Variants in SGO1 observed in about 807,000 individuals in gnomAD.
SGO1 encodes the protein serologically defined breast cancer antigen NY-BR-85.
In SGO1, 39 loss-of-function variants were observed where a neutral mutation model predicts 50.5. The ratio of observed to expected loss-of-function variants is 0.77; its 90% CI spans 0.60 to 1.01. SGO1 has a LOEUF of 1.01. SGO1 is among the 50% of genes least tolerant of loss of function. The pLI is 0.00. For synonymous variants in SGO1, 191 were observed against 205.1 expected, an observed-to-expected ratio of 0.93 and a Z score of 0.59; for missense variants, 638 against 606.0, an observed-to-expected ratio of 1.05 and a Z score of -0.55.
In SGO1 at chr3:20,171,139, GAA is replaced by G. The variant is rs769162481; in HGVS notation, c.1374_1375del (p.Leu460PhefsTer6). On this transcript the variant is annotated frameshift_variant, in exon 7 of 8. Transcript: ENST00000412997. LOFTEE classifies it high-confidence loss of function. Reference sequence around the variant, plus strand: ...TGCTTTATTCTTTTTTGGAGAAAGAGAAAGTCTTCTGATTTTCACAACAGGAT... The same window carrying G: ...TGCTTTATTCTTTTTTGGAGAAAGAGAGTCTTCTGATTTTCACAACAGGAT... The G allele has an allele frequency of 6.2e-7, 1 of 1,613,218 alleles. No homozygotes were observed. Among genetic ancestry groups the G allele is most frequent in the South Asian group, 1.1e-5 (1 of 91,008 alleles).
chr3:20,183,698 T>TA lies in SGO1; in HGVS notation c.248dup (p.Gln84ThrfsTer43), dbSNP rs751707964. 6.2e-6 allele frequency: 10 copies of TA among 1,613,334 alleles called. No individual in the cohort carries two copies. Among genetic ancestry groups the TA allele is most frequent in the Non-Finnish European group, 8.5e-6 (10 of 1,179,780 alleles). The stretch of plus-strand genomic sequence containing the variant: ...GATAGTAACATTCTTTTCTCAGCTG[T>TA]AGGATGATATCTTGGGCTTCTTTCA... On this transcript the variant is annotated frameshift_variant, in exon 3 of 8. Coordinates refer to ENST00000412997, the MANE Select transcript of SGO1 (RefSeq NM_001199251.3). LOFTEE classifies it high-confidence loss of function.
chr3:20,181,355 C>G (rs1288927865), intron 3 of SGO1, among the ~76,000 whole-genome samples: 1 of 152,130 alleles, frequency 6.6e-6, no homozygotes, highest in Admixed American at 6.5e-5. Context: ...TTAACTATTG[C>G]TAGGGCTAGG....
intron 6 of SGO1, among the ~76,000 whole-genome samples, chr3:20,173,758 A>C (rs12497658): frequency 0.099 from 15,087 of 152,274 alleles, 834 homozygotes; most frequent in Middle Eastern, 0.17. Context: ...TTTCTGAGCC[A>C]GTTTTTAGAG....
rs1310474028 is a variant in SGO1, at chr3:20,178,643, GCT to G, written c.340-298_340-297del. On this transcript the variant is annotated intron_variant, in intron 3 of 7. Transcript: ENST00000412997. ...GATAGAGAGTAACTCAGGTTGGATT[GCT>G]CTTTTAAATACAGTGAATGTGATAT... Among the ~76,000 whole-genome samples the G allele has an allele frequency of 2.0e-5, 3 of 152,338 alleles. No homozygotes were observed. The East Asian group carries it at 5.8e-4, about 29-fold the overall frequency.
At chr3:20,166,684 A>C, downstream of SGO1, among the ~76,000 whole-genome samples, 1 of 151,858 alleles carries the variant, frequency 6.6e-6, no homozygotes, top group East Asian at 1.9e-4. Flanking sequence ...ATGTGAATGT[A>C]CTTAATGCTA....
At chr3:20,184,163 C>T (rs1416279047) in intron 1 of SGO1, 129 bp from the exon 2 acceptor site, 2 of 588,834 alleles carry the variant, frequency 3.4e-6, no homozygotes, top group African/African-American at 1.9e-5. Flanking sequence ...AGATAGTTAA[C>T]CAACTTGATA....
intron 1 of SGO1, among the ~76,000 whole-genome samples, chr3:20,184,392 T>C (rs1702384391): frequency 6.6e-6 from 1 of 152,218 alleles, no homozygotes; most frequent in Admixed American, 6.5e-5. Flanking sequence ...TTACACTTTT[T>C]ATAGAAAATG....
chr3:20,176,525 A>G, intron 5 of SGO1, 76 bp downstream of exon 5: 4 of 889,350 alleles, frequency 4.5e-6, no homozygotes, highest in Middle Eastern at 3.0e-4. Context: ...AGAATTAGAT[A>G]AATTTAATTG....
Position 20,174,390 on chromosome 3 carries a change from G to T in SGO1, c.1141C>A (p.Leu381Ile). Residue 381 changes from leucine (L) to isoleucine (I), a missense_variant, in exon 6 of 8, where the codon CTC (leucine) becomes ATC (isoleucine). By Grantham distance (5) the Leu-to-Ile change is conservative. Transcript: ENST00000412997. The stretch of plus-strand genomic sequence containing the variant: ...ATGTACTTGCAAGTGGGCAAATAGA[G>T]GTCATCGGAATCATCTCCTGAACCA... Reference protein sequence around the residue: ...SSGSGDDSDDLYLPTCKYIQN... With the variant: ...SSGSGDDSDDIYLPTCKYIQN... The T allele has an allele frequency of 6.2e-7, 1 of 1,614,114 alleles. No homozygotes were observed. The highest frequency in any genetic ancestry group is 1.6e-4 in the Middle Eastern group (1 of 6,062).
In SGO1 at chr3:20,169,892, A is replaced by C. The variant is rs1476712506; in HGVS notation, c.*812T>G. On this transcript the variant is annotated 3_prime_UTR_variant, in exon 8 of 8. Coordinates refer to ENST00000412997, the MANE Select transcript of SGO1 (RefSeq NM_001199251.3). The stretch of plus-strand genomic sequence containing the variant: ...CAACTTAGGGTGTACCCTACTGTAA[A>C]TGTCAAATATTTATTTTACTCGAAT... 13 of 982,830 alleles carry C rather than the reference A, an allele frequency of 1.3e-5. No individual in the cohort carries two copies. Among genetic ancestry groups the C allele is most frequent in the Non-Finnish European group, 1.6e-5 (13 of 827,668 alleles). 60.9% of individuals were successfully genotyped at this position (982,830 alleles called of 1,614,324 possible). A position where few individuals can be genotyped will look rare whatever the true frequency, so the allele number is the denominator to read the frequency against.
At chr3:20,168,108 GAACA>G (rs369054509), downstream of SGO1, among the ~76,000 whole-genome samples, 43 of 152,106 alleles carry the variant, frequency 2.8e-4, no homozygotes, top group African/African-American at 1.0e-3. Flanking sequence ...AAAAGCCTAT[GAACA>G]AATATGACAG....
Position 20,176,881 on chromosome 3 carries a change from A to G in SGO1, c.417-222T>C, listed in dbSNP as rs535418684. Among the ~76,000 whole-genome samples the G allele has an allele frequency of 8.5e-5, 13 of 152,326 alleles. No homozygotes were observed. The East Asian group carries it at 2.5e-3, about 29-fold the overall frequency. ...CATTCAATTCCCACTTGAAGAACCA[A>G]CCTATCAAGTTGGAGAGTTCCACCT... On this transcript the variant is annotated intron_variant, in intron 4 of 7. Coordinates refer to ENST00000412997, the MANE Select transcript of SGO1 (RefSeq NM_001199251.3).
At chr3:20,177,233 G>C (rs1422155390) in intron 4 of SGO1, 2 of 152,078 alleles carry the variant, frequency 1.3e-5, no homozygotes, top group African/African-American at 4.8e-5. Context: ...TTCTACTCTA[G>C]ACATTAAACA....
chr3:20,183,836 T>G, intron 2 of SGO1, 32 bp from the exon 3 acceptor site: 2 of 1,603,318 alleles, frequency 1.2e-6, no homozygotes, highest in Non-Finnish European at 1.7e-6. Flanking sequence ...TATCAGTTAT[T>G]AAATCTAAAC....
intron 3 of SGO1, among the ~76,000 whole-genome samples, chr3:20,181,479 GC>G (rs1204992542): frequency 1.3e-5 from 2 of 152,118 alleles, no homozygotes; most frequent in Non-Finnish European, 2.9e-5. Flanking sequence ...AGTGACACAA[GC>G]AATTAGTACA....
rs777091244 is a variant in SGO1, at chr3:20,176,595, A to C, written c.475+6T>G. The C allele has an allele frequency of 2.6e-6, 4 of 1,546,418 alleles. No homozygotes were observed. Among genetic ancestry groups the C allele is most frequent in the South Asian group, 2.5e-5 (2 of 79,724 alleles). On this transcript the variant is annotated splice_donor_region_variant and intron_variant, in intron 5 of 7. Coordinates refer to ENST00000412997, the MANE Select transcript of SGO1 (RefSeq NM_001199251.3). ...AATAATATTTTTAGATTTTCACTTG[A>C]ATTACCTTCTATTTGAAATGATTCT...
In SGO1 at chr3:20,182,637, G is replaced by A. The variant is rs142723672; in HGVS notation, c.339+971C>T. Among the ~76,000 whole-genome samples the A allele has an allele frequency of 2.1e-4, 32 of 151,892 alleles. 1 individual carries two copies. Among genetic ancestry groups the A allele is most frequent in the South Asian group, 6.3e-4 (3 of 4,732 alleles). ...AGCCAGACACAAAGAATATCCTAAA[G>A]CAAACTTTCTCCATATCTGTTATAT... On this transcript the variant is annotated intron_variant, in intron 3 of 7. Coordinates refer to ENST00000412997, the MANE Select transcript of SGO1 (RefSeq NM_001199251.3).
intron 1 of SGO1, among the ~76,000 whole-genome samples, 162 bp downstream of exon 1, chr3:20,185,786 C>T (rs943828829): frequency 3.9e-5 from 6 of 152,214 alleles, no homozygotes; most frequent in African/African-American, 1.2e-4. Flanking sequence ...AAATTAGGGT[C>T]TCCATGGAAG....
intron 1 of SGO1, among the ~76,000 whole-genome samples, chr3:20,184,858 T>C (rs1030773951): frequency 6.6e-6 from 1 of 152,130 alleles, no homozygotes; most frequent in Admixed American, 6.5e-5. Flanking sequence ...AGCATGCTAC[T>C]AAACATGTCA....
Sources: allele counts gnomAD v4.1 joint callset (sites outside exome capture counted in the v4.1 genomes callset), GRCh38; gene constraint gnomAD v4.1.1; transcripts MANE v1.5; gene names NCBI Gene and HGNC (gene_info 2026-07-23, HGNC 2026-07-21).